PRKCQ: variants seen among roughly 807,000 people sequenced by gnomAD.
PRKCQ encodes protein kinase C theta, also known as protein kinase C theta type.
Under a neutral mutation model 91.2 loss-of-function variants are expected in PRKCQ, and 41 were observed. The observed-to-expected ratio is 0.45, with a 90% CI of 0.35 to 0.58. PRKCQ has a LOEUF of 0.58. PRKCQ is among the 20% of genes least tolerant of loss of function. The pLI is 0.00. For synonymous variants in PRKCQ, 307 were observed against 316.9 expected (o/e 0.97, Z 0.33); for missense variants, 673 against 896.5 (o/e 0.75, Z 3.18).
downstream of PRKCQ, among the ~76,000 whole-genome samples, chr10:6,422,326 A>G (rs1833026283): frequency 1.3e-5 from 2 of 151,968 alleles, no homozygotes; most frequent in African/African-American, 4.8e-5. Flanking sequence ...TTTGGTCCTC[A>G]TTTTAGAAAG....
At chr10:6,503,196 G>A (rs1838012750) in intron 4 of PRKCQ, among the ~76,000 whole-genome samples, 1 of 152,186 alleles carries the variant, frequency 6.6e-6, no homozygotes, top group African/African-American at 2.4e-5. Context: ...GGGTAAAAGA[G>A]AAACTGGACT....
chr10:6,489,250 T>C, intron 8 of PRKCQ: 1 of 420,074 alleles, frequency 2.4e-6, no homozygotes, highest in Non-Finnish European at 4.9e-6. Context: ...CCAAGTGAGG[T>C]TGTCAGCTAG....
At chr10:6,434,391 A>T (rs963137655) in intron 16 of PRKCQ, among the ~76,000 whole-genome samples, 32 of 152,346 alleles carry the variant, frequency 2.1e-4, no homozygotes, top group African/African-American at 6.7e-4. Flanking sequence ...ATATATTTTA[A>T]AAAATTAAAT....
At chr10:6,548,721 T>C (rs1588411208) in intron 1 of PRKCQ, among the ~76,000 whole-genome samples, 1 of 104,194 alleles carries the variant, frequency 9.6e-6, no homozygotes, top group Non-Finnish European at 1.8e-5. Context: ...CATCACACTC[T>C]GGGGACTGTT....
chr10:6,412,177 C>G, the PRKCQ span, among the ~76,000 whole-genome samples: 1 of 152,162 alleles, frequency 6.6e-6, no homozygotes, highest in African/African-American at 2.4e-5. Flanking sequence ...CTCTGAGTAG[C>G]TAGGACTACA....
Position 6,576,163 on chromosome 10 carries a change from T to C in PRKCQ, c.-10+4048A>G, listed in dbSNP as rs2130986954. 1.3e-5 allele frequency among the ~76,000 whole-genome samples: 2 copies of C among 152,212 alleles called. No individual in the cohort carries two copies. Among genetic ancestry groups the C allele is most frequent in the Non-Finnish European group, 2.9e-5 (2 of 68,008 alleles). Reference sequence around the variant, plus strand: ...AACAATATGGCAGTTCCTCAAAAAATTAAACATAGAATTACCCTACGACCC... The same window carrying C: ...AACAATATGGCAGTTCCTCAAAAAACTAAACATAGAATTACCCTACGACCC... On this transcript the variant is annotated intron_variant, in intron 1 of 17. Coordinates refer to ENST00000263125, the MANE Select transcript of PRKCQ (RefSeq NM_006257.5). The surrounding 1 kb of genome is among the most constrained non-coding windows in gnomAD (Gnocchi z 4.2).
At chr10:6,426,918 T>C (rs1349333287), downstream of PRKCQ, among the ~76,000 whole-genome samples, 1 of 152,180 alleles carries the variant, frequency 6.6e-6, no homozygotes, top group African/African-American at 2.4e-5. Flanking sequence ...GTATTTTTAG[T>C]AGAGACAGGG....
intron 1 of PRKCQ, among the ~76,000 whole-genome samples, chr10:6,533,114 A>G (rs1039424357): frequency 1.3e-5 from 2 of 152,060 alleles, no homozygotes; most frequent in African/African-American, 4.8e-5. Context: ...AGCTCCTCCC[A>G]TTATCAACAT....
intron 12 of PRKCQ, 102 bp from the exon 13 acceptor site, chr10:6,464,506 G>T: frequency 1.0e-6 from 1 of 997,944 alleles, no homozygotes; most frequent in Non-Finnish European, 1.5e-6. Context: ...CTGGAGTGCA[G>T]TGGCGTGATC....
chr10:6,491,882 C>T, intron 7 of PRKCQ, 70 bp from the exon 8 acceptor site: 2 of 1,574,706 alleles, frequency 1.3e-6, no homozygotes, highest in Non-Finnish European at 1.7e-6. Context: ...TTGCAGATAC[C>T]TTAGCATAAC....
the PRKCQ span, among the ~76,000 whole-genome samples, chr10:6,412,667 G>C: frequency 6.6e-6 from 1 of 152,226 alleles, no homozygotes; most frequent in African/African-American, 2.4e-5. Flanking sequence ...TCAGAAAACA[G>C]CATTGAGTCA....
chr10:6,528,769 G>A (rs1839286263), intron 1 of PRKCQ, among the ~76,000 whole-genome samples: 1 of 152,224 alleles, frequency 6.6e-6, no homozygotes, highest in Non-Finnish European at 1.5e-5. Context: ...TGAAGGTTAG[G>A]TCAGGGAGGA....
At chr10:6,434,762 T>C (rs533504959) in intron 16 of PRKCQ, among the ~76,000 whole-genome samples, 22 of 152,192 alleles carry the variant, frequency 1.4e-4, no homozygotes, top group Non-Finnish European at 2.6e-4. Context: ...TGCTGACAGA[T>C]TGTACCTGGA....
At position 6,491,773 on chromosome 10, in the gene PRKCQ, A is replaced by G; in HGVS notation, c.700T>C (p.Phe234Leu). Residue 234 changes from phenylalanine (F) to leucine (L), a missense_variant, in exon 8 of 18, where the codon TTT (phenylalanine) becomes CTT (leucine). Transcript: ENST00000263125. ...ERFKIDMPHR[F>L]KVYNYKSPTF... Reference sequence around the variant, plus strand: ...GGGCTCTTGTAATTGTAGACTTTAAATCTGTGTGGCATGTCAATTTTGAAT... The same window carrying G: ...GGGCTCTTGTAATTGTAGACTTTAAGTCTGTGTGGCATGTCAATTTTGAAT... 6.2e-7 allele frequency: 1 copy of G among 1,614,178 alleles called. No homozygotes were observed. Among genetic ancestry groups the G allele is most frequent in the Non-Finnish European group, 8.5e-7 (1 of 1,180,022 alleles).
chr10:6,416,003 T>C, the PRKCQ span, among the ~76,000 whole-genome samples: 3 of 152,092 alleles, frequency 2.0e-5, no homozygotes, highest in African/African-American at 7.2e-5. Context: ...CGACTCGACC[T>C]CTCAAAGTGC....
intron 1 of PRKCQ, among the ~76,000 whole-genome samples, chr10:6,521,905 A>G (rs1475409592): frequency 7.2e-6 from 1 of 139,696 alleles, no homozygotes; most frequent in Admixed American, 7.0e-5. Context: ...ATGTTATGTG[A>G]TGTTATGTTA....
intron 15 of PRKCQ, among the ~76,000 whole-genome samples, chr10:6,451,552 A>G (rs1429391621): frequency 1.3e-5 from 2 of 152,224 alleles, no homozygotes; most frequent in Non-Finnish European, 2.9e-5. Context: ...ATAGAAAAAA[A>G]GGGAATCCTC....
chr10:6,549,133 TA>T (rs1818763051), intron 1 of PRKCQ, among the ~76,000 whole-genome samples: 1 of 152,244 alleles, frequency 6.6e-6, no homozygotes, highest in African/African-American at 2.4e-5. Flanking sequence ...TAAGAAGCAG[TA>T]CATGGGGCCA....
At chr10:6,464,593 A>T (rs997862394) in intron 12 of PRKCQ, among the ~76,000 whole-genome samples, 189 bp from the exon 13 acceptor site, 1 of 152,138 alleles carries the variant, frequency 6.6e-6, no homozygotes, top group African/African-American at 2.4e-5. Flanking sequence ...GACTACAGGC[A>T]TGCACCACCA....
Sources: gnomAD v4.1 joint callset for allele counts (sites outside exome capture counted in the v4.1 genomes callset) on GRCh38, gnomAD v4.1.1 for gene constraint, Gnocchi (gnomAD v3.1) non-coding constraint, MANE v1.5 for transcripts, NCBI Gene and HGNC (gene_info 2026-07-23, HGNC 2026-07-21) for gene names.